NCAM1: variants seen among roughly 807,000 people sequenced by gnomAD.
NCAM1 encodes the protein antigen recognized by monoclonal antibody 5.1H11.
In NCAM1, 14 loss-of-function variants were observed where a neutral mutation model predicts 109.8. The observed-to-expected ratio is 0.13, with a 90% CI of 0.08 to 0.20. The LOEUF is 0.20. Ranked by LOEUF, NCAM1 falls within the 10% of genes least tolerant of loss-of-function variation. NCAM1 has a pLI of 1.00. For missense variants in NCAM1, 774 were observed against 1,109.9 expected (o/e 0.70, Z 4.30); for synonymous variants, 418 against 442.9 (o/e 0.94, Z 0.70).
At chr11:113,125,571 G>A (rs374720081) in intron 1 of NCAM1, among the ~76,000 whole-genome samples, 3 of 152,290 alleles carry the variant, frequency 2.0e-5, no homozygotes, top group African/African-American at 7.2e-5. Context: ...AGACAAAATT[G>A]TTCAGCAGCA....
intron 2 of NCAM1, 38 bp downstream of exon 2, chr11:113,202,491 T>G: frequency 6.4e-7 from 1 of 1,566,910 alleles, no homozygotes. Flanking sequence ...TAGAACTTGC[T>G]TCAGAAACTC....
Position 113,273,241 on chromosome 11 carries a change from C to T in NCAM1, c.2456+1365C>T. The T allele has an allele frequency of 2.8e-6, 1 of 362,170 alleles. No individual in the cohort carries two copies. The highest frequency in any genetic ancestry group is 2.0e-5 in the South Asian group (1 of 48,870). The allele number at this position is 362,170 out of a possible 1,614,324, so 22.4% of individuals were successfully genotyped here. ...GACACCCCGACCTCAACCCCTGCCG[C>T]TAGCAATTTGTCTTCTAGTGTCCTG... On this transcript the variant is annotated intron_variant, in intron 19 of 19. Transcript: ENST00000316851. The surrounding 1 kb of genome is among the most constrained non-coding windows in gnomAD (Gnocchi z 6.0).
In NCAM1 at chr11:113,270,068, G is replaced by T. The variant is rs376235256; in HGVS notation, c.2132-120G>T. On this transcript the variant is annotated intron_variant, in intron 17 of 19. Coordinates refer to ENST00000316851, the MANE Select transcript of NCAM1 (RefSeq NM_181351.5). ...AGGTCCCCAGGAAGGTGTCACTCTGGGCATGAATGCCATGACTCTGTCCTC... is the reference window on the plus strand; with the variant it reads ...AGGTCCCCAGGAAGGTGTCACTCTGTGCATGAATGCCATGACTCTGTCCTC... 171 of 924,322 alleles carry T rather than the reference G, an allele frequency of 1.8e-4. No homozygotes were observed. The African/African-American group carries it at 2.6e-3, about 14-fold the overall frequency. 57.3% of individuals were successfully genotyped at this position (924,322 alleles called of 1,614,324 possible). A position where few individuals can be genotyped will look rare whatever the true frequency, so the allele number is the denominator to read the frequency against.
At chr11:112,966,433 A>G (rs1555065400) in intron 1 of NCAM1, among the ~76,000 whole-genome samples, 1 of 152,246 alleles carries the variant, frequency 6.6e-6, no homozygotes. Flanking sequence ...CCTAATGATT[A>G]GGTTTCTATG....
At chr11:112,993,380 T>C (rs1951514998) in intron 1 of NCAM1, among the ~76,000 whole-genome samples, 1 of 152,156 alleles carries the variant, frequency 6.6e-6, no homozygotes, top group Non-Finnish European at 1.5e-5. Context: ...ATCATGAAGA[T>C]GGCACCAAGC....
intron 15 of NCAM1, among the ~76,000 whole-genome samples, chr11:113,255,597 GAAAAAA>G (rs34738476): frequency 6.5e-5 from 6 of 92,966 alleles, no homozygotes; most frequent in South Asian, 4.4e-4. Context: ...TGAGACAGGG[GAAAAAA>G]AAAAAAAAAA....
intron 8 of NCAM1, 114 bp downstream of exon 8, chr11:113,214,625 G>A: frequency 8.2e-7 from 1 of 1,226,146 alleles, no homozygotes; most frequent in Admixed American, 2.7e-5. Context: ...GTCACCAGAG[G>A]CCACAGCCAG....
chr11:113,098,815 CTT>C (rs527650740), intron 1 of NCAM1, among the ~76,000 whole-genome samples: 45 of 152,276 alleles, frequency 3.0e-4, no homozygotes, highest in African/African-American at 1.0e-3. Context: ...GCTCATGAAA[CTT>C]TCAAGAATAT....
chr11:113,035,752 C>T (rs1326188457), intron 1 of NCAM1, among the ~76,000 whole-genome samples: 1 of 151,754 alleles, frequency 6.6e-6, no homozygotes, highest in Non-Finnish European at 1.5e-5. Context: ...CAAATAATTA[C>T]TATGTCACTG....
intron 1 of NCAM1, among the ~76,000 whole-genome samples, chr11:112,991,627 G>A (rs996314985): frequency 3.9e-5 from 6 of 152,148 alleles, no homozygotes; most frequent in African/African-American, 7.2e-5. Flanking sequence ...GACCAGGTTC[G>A]CACAAATAGC....
intron 1 of NCAM1, among the ~76,000 whole-genome samples, chr11:113,026,378 T>C (rs947505429): frequency 3.3e-5 from 5 of 152,286 alleles, no homozygotes; most frequent in Middle Eastern, 3.4e-3. Flanking sequence ...CAGGATTTTA[T>C]ATTTTTTGAG....
intron 1 of NCAM1, among the ~76,000 whole-genome samples, chr11:113,008,256 T>C (rs1047262621): frequency 1.3e-5 from 2 of 152,206 alleles, no homozygotes; most frequent in African/African-American, 4.8e-5. Flanking sequence ...GTTTACATTA[T>C]GATACTCCAA....
At chr11:113,015,456 T>C (rs1952184181) in intron 1 of NCAM1, among the ~76,000 whole-genome samples, 1 of 152,102 alleles carries the variant, frequency 6.6e-6, no homozygotes, top group South Asian at 2.1e-4. Flanking sequence ...ATGGTTTAGG[T>C]CAGGTGTGGT....
chr11:112,998,082 G>A (rs1752574492), intron 1 of NCAM1, among the ~76,000 whole-genome samples: 1 of 152,134 alleles, frequency 6.6e-6, no homozygotes, highest in Admixed American at 6.6e-5. Flanking sequence ...TAAATGCTAG[G>A]GTTGAAAAGG....
At chr11:113,180,290 A>G (rs1334376439) in intron 1 of NCAM1, among the ~76,000 whole-genome samples, 1 of 152,236 alleles carries the variant, frequency 6.6e-6, no homozygotes, top group Non-Finnish European at 1.5e-5. Context: ...CTTATTGGAT[A>G]TGGACTACCC....
chr11:113,237,855 CATATATATAGATATATAG>C (rs1283318246), intron 14 of NCAM1, among the ~76,000 whole-genome samples: 3 of 126,494 alleles, frequency 2.4e-5, no homozygotes, highest in African/African-American at 6.4e-5. Context: ...AAGGTGAGAC[CATATATATAGATATATAG>C]ATATATATAG....
At chr11:113,242,776 T>A in intron 14 of NCAM1, 1 of 1,601,972 alleles carries the variant, frequency 6.2e-7, no homozygotes, top group South Asian at 1.1e-5. Flanking sequence ...CACCTTTCTT[T>A]GCCTTTTCTG....
At chr11:113,231,536 T>A in intron 9 of NCAM1, 109 bp from the exon 10 acceptor site, 1 of 1,172,232 alleles carries the variant, frequency 8.5e-7, no homozygotes, top group Non-Finnish European at 1.2e-6. Context: ...GTGAGACGGG[T>A]CACAGACAAG....
At chr11:113,242,217 T>C (rs782487046) in intron 14 of NCAM1, among the ~76,000 whole-genome samples, 2 of 152,368 alleles carry the variant, frequency 1.3e-5, no homozygotes, top group Non-Finnish European at 2.9e-5. Context: ...CAGCTGGAAT[T>C]AATAGTAAGA....
Sources: gnomAD v4.1 joint callset for allele counts (sites outside exome capture counted in the v4.1 genomes callset) on GRCh38, gnomAD v4.1.1 for gene constraint, Gnocchi (gnomAD v3.1) non-coding constraint, MANE v1.5 for transcripts, NCBI Gene and HGNC (gene_info 2026-07-23, HGNC 2026-07-21) for gene names.